The following COQ6 variants were observed in gnomAD, a reference collection of about 807,000 sequenced individuals.
The protein encoded by COQ6 is coenzyme Q6, monooxygenase, also known as ubiquinone biosynthesis monooxygenase COQ6, mitochondrial.
Under a neutral mutation model 55.5 loss-of-function variants are expected in COQ6, and 45 were observed. That is an observed-to-expected ratio of 0.81 (90% CI 0.64 to 1.04). The LOEUF is 1.04. COQ6 is among the 50% of genes least tolerant of loss of function. The pLI is 0.00. For missense variants in COQ6, 550 were observed against 601.3 expected (o/e 0.91, Z 0.89); for synonymous variants, 206 against 230.5 (o/e 0.89, Z 0.96).
At chr14:73,950,256 A>T, upstream of COQ6, 1 of 1,538,580 alleles carries the variant, frequency 6.5e-7, no homozygotes, top group Non-Finnish European at 8.7e-7. Context: ...GCGGGACGGG[A>T]TTGGAGTGCT....
In COQ6 at chr14:73,958,279, T is replaced by A; in HGVS notation, c.612+2T>A. On this transcript the variant is annotated splice_donor_variant, in intron 5 of 11. Transcript: ENST00000334571. LOFTEE classifies it high-confidence loss of function. ...AGCACCTTCCAGACCAAATTGTTGG[T>A]AGTTGAAGATTCTTATTTTGCTAGG... 1 of 1,614,058 alleles carries A rather than the reference T, an allele frequency of 6.2e-7. No individual in the cohort carries two copies. Among genetic ancestry groups the A allele is most frequent in the Non-Finnish European group, 8.5e-7 (1 of 1,179,922 alleles).
rs539204918 is a variant in COQ6, at chr14:73,963,064, C to T, written c.*65C>T. 57 of 1,246,244 alleles carry T rather than the reference C, an allele frequency of 4.6e-5. No homozygotes were observed. In the East Asian group the frequency reaches 1.2e-3, roughly 26 times the overall value. 77.2% of individuals were successfully genotyped at this position (1,246,244 alleles called of 1,614,324 possible). ...AACATCCTGCCCAGGACCCATCATA[C>T]ATATTTTCAAGATCTTATTTAATTT... is the stretch of plus-strand genomic sequence containing the variant. On this transcript the variant is annotated 3_prime_UTR_variant, in exon 12 of 12. Coordinates refer to ENST00000334571, the MANE Select transcript of COQ6 (RefSeq NM_182476.3).
chr14:73,961,043 T>A, intron 8 of COQ6, 130 bp from the exon 9 acceptor site: 1 of 1,053,672 alleles, frequency 9.5e-7, no homozygotes, highest in East Asian at 2.6e-5. Flanking sequence ...TTATCACTTG[T>A]CAAGATCAGT....
chr14:73,953,977 T>C (rs2056302028), intron 2 of COQ6, among the ~76,000 whole-genome samples: 1 of 152,190 alleles, frequency 6.6e-6, no homozygotes, highest in Non-Finnish European at 1.5e-5. Context: ...GAATAATGTG[T>C]GCACATGGAA....
intron 7 of COQ6, 62 bp from the exon 8 acceptor site, chr14:73,959,353 G>A (rs755053024): frequency 6.2e-7 from 1 of 1,614,114 alleles, no homozygotes; most frequent in Non-Finnish European, 8.5e-7. Flanking sequence ...GTCTTTTTAT[G>A]CTTGAGAGTT....
chr14:73,958,736 G>A, intron 5 of COQ6: 1 of 1,427,404 alleles, frequency 7.0e-7, no homozygotes, highest in Non-Finnish European at 9.2e-7. Flanking sequence ...GGGCCTGGCT[G>A]AGTTTAACTC....
upstream of COQ6, chr14:73,950,177 C>G (rs767541008): frequency 5.1e-6 from 8 of 1,571,324 alleles, no homozygotes; most frequent in South Asian, 2.3e-5. Flanking sequence ...CCCGAGGAGG[C>G]AAGGTTCGTT....
In COQ6 at chr14:73,960,371, C is replaced by T. The variant is rs999843215; in HGVS notation, c.892-802C>T. 5 of 987,070 alleles carry T rather than the reference C, an allele frequency of 5.1e-6. No individual in the cohort carries two copies. The South Asian group carries it at 1.9e-4, about 37-fold the overall frequency. 61.1% of individuals were successfully genotyped at this position (987,070 alleles called of 1,614,324 possible). A position where few individuals can be genotyped will look rare whatever the true frequency, so the allele number is the denominator to read the frequency against. ...AATACTAATAATTCTGGAGTAGACA[C>T]AGCCTTTGGATAATATGGGTACCAG... On this transcript the variant is annotated intron_variant, in intron 8 of 11. Transcript: ENST00000334571.
intron 11 of COQ6, among the ~76,000 whole-genome samples, chr14:73,962,452 A>C (rs1253711719): frequency 6.6e-6 from 1 of 152,142 alleles, no homozygotes; most frequent in East Asian, 1.9e-4. Flanking sequence ...CTAGCTATTC[A>C]GGAGACTGAG....
chr14:73,951,393 A>C (rs968491056), intron 1 of COQ6, among the ~76,000 whole-genome samples: 14 of 150,610 alleles, frequency 9.3e-5, no homozygotes, highest in Admixed American at 8.0e-4. Context: ...TTTTTCCCTG[A>C]GATGGAGTTT....
intron 8 of COQ6, chr14:73,959,975 G>A (rs2056636542): frequency 2.9e-6 from 3 of 1,043,824 alleles, no homozygotes; most frequent in Non-Finnish European, 3.5e-6. Flanking sequence ...TGTACACACG[G>A]AAATGCAAAA....
chr14:73,953,070 T>C (rs1176422407), intron 1 of COQ6, among the ~76,000 whole-genome samples: 1 of 152,242 alleles, frequency 6.6e-6, no homozygotes, highest in Non-Finnish European at 1.5e-5. Context: ...GGAGTTGTAA[T>C]TTTTAGTGAC....
intron 4 of COQ6, chr14:73,956,332 A>G: frequency 5.2e-6 from 1 of 191,864 alleles, no homozygotes; most frequent in South Asian, 1.1e-4. Context: ...CGTCTCAAAA[A>G]AAAAAAAAAA....
intron 2 of COQ6, chr14:73,953,917 C>CAG (rs146800451): frequency 0.082 from 29,164 of 354,782 alleles, 2,179 homozygotes; most frequent in South Asian, 0.26. Context: ...TGAGTCAAGC[C>CAG]TTCTAGCAAG....
At chr14:73,952,987 A>G (rs2056259350) in intron 1 of COQ6, among the ~76,000 whole-genome samples, 1 of 151,996 alleles carries the variant, frequency 6.6e-6, no homozygotes, top group Admixed American at 6.6e-5. Context: ...TATAAACTCT[A>G]ATTCTTTATT....
At chr14:73,957,422 C>G (rs1223562269) in intron 4 of COQ6, among the ~76,000 whole-genome samples, 1 of 152,144 alleles carries the variant, frequency 6.6e-6, no homozygotes, top group African/African-American at 2.4e-5. Context: ...GTATGACTGA[C>G]TGACATACAA....
intron 5 of COQ6, 173 bp from the exon 6 acceptor site, chr14:73,958,798 T>G (rs1594803231): frequency 6.6e-7 from 1 of 1,513,536 alleles, no homozygotes; most frequent in East Asian, 2.5e-5. Flanking sequence ...TGGCTGAGGC[T>G]GATGTGACAG....
intron 1 of COQ6, among the ~76,000 whole-genome samples, chr14:73,951,849 AG>A (rs1427706126): frequency 2.6e-4 from 39 of 151,034 alleles, no homozygotes; most frequent in Admixed American, 2.6e-3. Flanking sequence ...CTTCTGTAAC[AG>A]GGTGGTTCTC....
Position 73,953,571 on chromosome 14 carries a change from T to C in COQ6, c.298+2T>C, listed in dbSNP as rs186291107. On this transcript the variant is annotated splice_donor_variant, in intron 2 of 11. Coordinates refer to ENST00000334571, the MANE Select transcript of COQ6 (RefSeq NM_182476.3). LOFTEE classifies it high-confidence loss of function. ...CTGGCTCTGCAACGCTTCTCAGTAG[T>C]GAGTAGAAGATCCTCCTTCAAAGAT... The C allele has an allele frequency of 3.1e-6, 5 of 1,614,198 alleles. No individual in the cohort carries two copies. In the Admixed American group the frequency reaches 6.7e-5, roughly 22 times the overall value.
Sources: allele counts gnomAD v4.1 joint callset (sites outside exome capture counted in the v4.1 genomes callset), GRCh38; gene constraint gnomAD v4.1.1; transcripts MANE v1.5; gene names NCBI Gene and HGNC (gene_info 2026-07-23, HGNC 2026-07-21).